The following FGF14 variants were observed in gnomAD, a reference collection of about 807,000 sequenced individuals.
The protein encoded by FGF14 is fibroblast growth factor homologous factor 4.
FGF14 carries 5 observed loss-of-function variants against 25.5 expected under a neutral mutation model. The observed-to-expected ratio is 0.20, with a 90% CI of 0.10 to 0.41. The LOEUF (loss-of-function observed/expected upper bound fraction) is 0.41. Ranked by LOEUF, FGF14 falls within the 10% of genes least tolerant of loss-of-function variation. The probability of loss-of-function intolerance (pLI) is 1.00; values close to 1 mark genes in which losing one functional copy is unlikely to be tolerated. For synonymous variants in FGF14, 138 were observed against 118.3 expected, an observed-to-expected ratio of 1.17 and a Z score of -1.08; for missense variants, 222 against 320.1, an observed-to-expected ratio of 0.69 and a Z score of 2.34.
At chr13:101,845,633 AGGG>A (rs1424963425) in intron 3 of FGF14, among the ~76,000 whole-genome samples, 3 of 152,056 alleles carry the variant, frequency 2.0e-5, no homozygotes, top group African/African-American at 7.2e-5. Flanking sequence ...ACTAGATAAA[AGGG>A]TAGTCAGGAG....
chr13:102,258,385 G>A (rs1206747917), intron 1 of FGF14, among the ~76,000 whole-genome samples: 1 of 152,060 alleles, frequency 6.6e-6, no homozygotes, highest in Non-Finnish European at 1.5e-5. Context: ...GAGGTCGCTT[G>A]CCTCCACCCC....
At chr13:101,991,101 A>C (rs1318488501) in intron 1 of FGF14, among the ~76,000 whole-genome samples, 3 of 152,106 alleles carry the variant, frequency 2.0e-5, no homozygotes, top group African/African-American at 7.2e-5. Flanking sequence ...CAGATAATGA[A>C]TTTCTCAAGA....
chr13:102,170,230 G>A (rs775653827), intron 1 of FGF14, among the ~76,000 whole-genome samples: 45 of 146,420 alleles, frequency 3.1e-4, no homozygotes, highest in Admixed American at 4.9e-4. Context: ...GATACTAATC[G>A]TTTTCTGTTT....
intron 1 of FGF14, among the ~76,000 whole-genome samples, chr13:102,060,232 G>T (rs1160626073): frequency 6.6e-6 from 1 of 151,960 alleles, no homozygotes; most frequent in African/African-American, 2.4e-5. Context: ...AACCTGTAAA[G>T]AAATAAATCT....
intron 1 of FGF14, among the ~76,000 whole-genome samples, chr13:101,924,679 G>A (rs894385066): frequency 1.3e-5 from 2 of 152,182 alleles, no homozygotes; most frequent in African/African-American, 4.8e-5. Flanking sequence ...TATGTGAAAA[G>A]CTTTTAGTTC....
chr13:102,308,933 A>AAAAC (rs1555398901), intron 1 of FGF14, among the ~76,000 whole-genome samples: 6 of 150,320 alleles, frequency 4.0e-5, no homozygotes, highest in African/African-American at 1.5e-4. Flanking sequence ...AAAAAAAAAA[A>AAAAC]ACACAAAAAA....
intron 3 of FGF14, among the ~76,000 whole-genome samples, chr13:101,759,994 T>C (rs2037913601): frequency 6.6e-6 from 1 of 152,080 alleles, no homozygotes; most frequent in Non-Finnish European, 1.5e-5. Context: ...GACAGAGAAA[T>C]CTTGTGTTTC....
At chr13:102,180,264 T>C (rs761046986) in intron 1 of FGF14, among the ~76,000 whole-genome samples, 2 of 152,188 alleles carry the variant, frequency 1.3e-5, no homozygotes, top group African/African-American at 4.8e-5. Context: ...GCTATAATTC[T>C]GCTCAAATAT....
chr13:102,271,018 T>C (rs1185338219), intron 1 of FGF14, among the ~76,000 whole-genome samples: 2 of 152,234 alleles, frequency 1.3e-5, no homozygotes, highest in South Asian at 2.1e-4. Flanking sequence ...GCAGTTAACA[T>C]GGTTTTAAAA....
At chr13:102,085,977 G>A (rs1357759781) in intron 1 of FGF14, among the ~76,000 whole-genome samples, 1 of 152,114 alleles carries the variant, frequency 6.6e-6, no homozygotes, top group Non-Finnish European at 1.5e-5. Flanking sequence ...TTAAATTGTA[G>A]CTAAAAATAA....
intron 1 of FGF14, among the ~76,000 whole-genome samples, chr13:102,339,009 CAA>C (rs56216247): frequency 0.52 from 69,654 of 134,024 alleles, 17,561 homozygotes; most frequent in East Asian, 0.67. Flanking sequence ...GACTCTGTCT[CAA>C]AAAAAAAAAA....
intron 3 of FGF14, among the ~76,000 whole-genome samples, chr13:101,764,700 C>T (rs1484981194): frequency 6.6e-6 from 1 of 152,096 alleles, no homozygotes; most frequent in Admixed American, 6.5e-5. Flanking sequence ...TGGTCTCTAC[C>T]CAGAAGATTG....
chr13:102,086,887 A>T (rs2043932139), intron 1 of FGF14, among the ~76,000 whole-genome samples: 1 of 152,220 alleles, frequency 6.6e-6, no homozygotes, highest in South Asian at 2.1e-4. Flanking sequence ...AGGATTACGT[A>T]GAGTGAGTAA....
intron 1 of FGF14, among the ~76,000 whole-genome samples, chr13:102,098,637 T>C (rs1258314183): frequency 1.3e-5 from 2 of 152,202 alleles, no homozygotes; most frequent in African/African-American, 4.8e-5. Context: ...GTTAAAATGT[T>C]ATTAGAAATG....
intron 3 of FGF14, chr13:101,868,427 CTAAGA>C (rs1255873880): frequency 2.1e-5 from 6 of 292,172 alleles, no homozygotes; most frequent in South Asian, 3.9e-5. Context: ...AAGAAACTCT[CTAAGA>C]TAAGTGCATT....
chr13:102,196,949 T>G (rs1312818197), intron 1 of FGF14, among the ~76,000 whole-genome samples: 1 of 128,416 alleles, frequency 7.8e-6, no homozygotes, highest in African/African-American at 3.5e-5. Flanking sequence ...CCAGATTTTG[T>G]TTTTTTGGTT....
intron 3 of FGF14, among the ~76,000 whole-genome samples, chr13:101,826,530 T>C (rs2042400907): frequency 6.6e-6 from 1 of 152,030 alleles, no homozygotes; most frequent in Non-Finnish European, 1.5e-5. Context: ...AGCTCTCAAT[T>C]TGCTTTTCGT....
At chr13:102,180,821 G>T (rs1414147571) in intron 1 of FGF14, among the ~76,000 whole-genome samples, 1 of 152,070 alleles carries the variant, frequency 6.6e-6, no homozygotes, top group Non-Finnish European at 1.5e-5. Flanking sequence ...AATAAATCAA[G>T]GATATAGATC....
At chr13:101,745,271 C>T (rs1373131134) in intron 3 of FGF14, among the ~76,000 whole-genome samples, 1 of 151,920 alleles carries the variant, frequency 6.6e-6, no homozygotes, top group Non-Finnish European at 1.5e-5. Flanking sequence ...ATACCCACTG[C>T]CCCATGCCTA....
Sources: gnomAD v4.1 joint callset for allele counts (sites outside exome capture counted in the v4.1 genomes callset) on GRCh38, gnomAD v4.1.1 for gene constraint, MANE v1.5 for transcripts, NCBI Gene and HGNC (gene_info 2026-07-23, HGNC 2026-07-21) for gene names.